Variants in ADK observed in about 807,000 individuals in gnomAD.
ADK encodes N6,N6-dimethyladenosine kinase.
In ADK, 24 loss-of-function variants were observed where a neutral mutation model predicts 44.7. The observed-to-expected ratio is 0.54, with a 90% confidence interval of 0.39 to 0.76. The LOEUF is 0.76. ADK is among the 30% of genes least tolerant of loss of function. ADK has a pLI of 0.00. For missense variants in ADK, 321 were observed against 425.1 expected (o/e 0.76, Z 2.15); for synonymous variants, 128 against 142.6 (o/e 0.90, Z 0.73).
At chr10:74,545,229 A>C (rs1849783400) in intron 7 of ADK, among the ~76,000 whole-genome samples, 1 of 152,230 alleles carries the variant, frequency 6.6e-6, no homozygotes, top group African/African-American at 2.4e-5. Flanking sequence ...TTCTAAAAAG[A>C]ATGTTAACAT....
intron 4 of ADK, among the ~76,000 whole-genome samples, chr10:74,324,107 C>G (rs1484243107): frequency 6.6e-6 from 1 of 152,102 alleles, no homozygotes; most frequent in African/African-American, 2.4e-5. Context: ...ACTGCAGCTT[C>G]CAACTCCTAG....
intron 4 of ADK, among the ~76,000 whole-genome samples, chr10:74,345,869 A>G (rs765796342): frequency 1.3e-5 from 2 of 152,086 alleles, no homozygotes; most frequent in Non-Finnish European, 2.9e-5. Context: ...ATTTTGTTGC[A>G]TTTAAAATTT....
chr10:74,566,905 A>G (rs1402751128), intron 7 of ADK, among the ~76,000 whole-genome samples: 2 of 152,238 alleles, frequency 1.3e-5, no homozygotes, highest in Non-Finnish European at 2.9e-5. Context: ...TAGACCAATT[A>G]TTTCATAATG....
chr10:74,374,805 C>G (rs373464509), intron 4 of ADK, among the ~76,000 whole-genome samples: 1 of 152,040 alleles, frequency 6.6e-6, no homozygotes, highest in African/African-American at 2.4e-5. Context: ...TTCTTCTTTT[C>G]GCCTGGTAAA....
chr10:74,328,583 G>T (rs569438236), intron 4 of ADK, among the ~76,000 whole-genome samples: 134 of 152,196 alleles, frequency 8.8e-4, no homozygotes, highest in African/African-American at 3.1e-3. Flanking sequence ...TTGGATCATG[G>T]GGGTGGTTTC....
chr10:74,468,308 G>A (rs987334123), intron 6 of ADK, among the ~76,000 whole-genome samples: 1 of 152,120 alleles, frequency 6.6e-6, no homozygotes, highest in Non-Finnish European at 1.5e-5. Context: ...GAAGTATTTG[G>A]TGAAGCCAAA....
intron 3 of ADK, among the ~76,000 whole-genome samples, chr10:74,252,858 C>T (rs1443026363): frequency 1.3e-5 from 2 of 152,218 alleles, no homozygotes; most frequent in Admixed American, 6.5e-5. Context: ...TATTCCTTTT[C>T]ACTTAGACTT....
At chr10:74,228,767 C>A (rs890812907) in intron 3 of ADK, among the ~76,000 whole-genome samples, 1 of 152,056 alleles carries the variant, frequency 6.6e-6, no homozygotes, top group African/African-American at 2.4e-5. Flanking sequence ...GAGATCTGAT[C>A]ATATAGATTT....
rs118096011 is a variant in ADK at position 74,577,992 on chromosome 10, C to T, written c.727-11290C>T. Among the ~76,000 whole-genome samples, 1,085 of 151,796 alleles carry T rather than the reference C, an allele frequency of 7.1e-3. 3 individuals are homozygous for T. The highest frequency in any genetic ancestry group is 0.024 in the Middle Eastern group (7 of 294). On this transcript the variant is annotated intron_variant, in intron 7 of 10. Transcript: ENST00000539909. The stretch of plus-strand genomic sequence containing the variant: ...TTCAAGAGTGAATTTTGTAAAACTT[C>T]CAGAGTAGAGTAAGTTACGGCCATT...
intron 3 of ADK, among the ~76,000 whole-genome samples, chr10:74,305,529 T>A (rs1432427525): frequency 6.6e-6 from 1 of 152,116 alleles, no homozygotes; most frequent in Non-Finnish European, 1.5e-5. Context: ...GGTGGCTGTT[T>A]CCATCCCTGT....
At chr10:74,311,822 T>A (rs1840441891) in intron 3 of ADK, among the ~76,000 whole-genome samples, 2 of 152,190 alleles carry the variant, frequency 1.3e-5, no homozygotes, top group Admixed American at 6.5e-5. Context: ...ATTGGAAATA[T>A]ATCACTTTTC....
chr10:74,311,743 T>C (rs148234466), intron 3 of ADK, among the ~76,000 whole-genome samples: 97 of 152,272 alleles, frequency 6.4e-4, no homozygotes, highest in African/African-American at 2.1e-3. Context: ...GAATAAAAGA[T>C]GTGGAGGCTT....
intron 3 of ADK, among the ~76,000 whole-genome samples, chr10:74,236,477 C>T (rs1253217807): frequency 6.6e-6 from 1 of 152,138 alleles, no homozygotes; most frequent in East Asian, 1.9e-4. Flanking sequence ...TTCAAACAGA[C>T]GTACAGTGTG....
Position 74,595,461 on chromosome 10 carries a change from C to T in ADK, c.763-4918C>T, listed in dbSNP as rs559497483. Among the ~76,000 whole-genome samples, 428 of 144,930 alleles carry T rather than the reference C, an allele frequency of 3.0e-3. 3 individuals are homozygous for T. The highest frequency in any genetic ancestry group is 0.011 in the African/African-American group (413 of 39,002). On this transcript the variant is annotated intron_variant, in intron 8 of 10. Coordinates refer to ENST00000539909, the MANE Select transcript of ADK (RefSeq NM_006721.4). ...GCGTGATCTTTGCTCACTGCAAGCT[C>T]CGCCTCCCGGGTTCACTCCATTCTC... is the stretch of plus-strand genomic sequence containing the variant.
intron 9 of ADK, chr10:74,655,450 T>C (rs1854445381): frequency 2.2e-6 from 1 of 451,874 alleles, no homozygotes; most frequent in Non-Finnish European, 4.4e-6. Context: ...TTGATGACCC[T>C]GGGCTGAGGA....
intron 6 of ADK, among the ~76,000 whole-genome samples, chr10:74,453,467 C>G (rs1327149392): frequency 6.6e-6 from 1 of 152,082 alleles, no homozygotes; most frequent in Non-Finnish European, 1.5e-5. Flanking sequence ...CCAGGGGTCT[C>G]TTATTAGTAT....
intron 7 of ADK, among the ~76,000 whole-genome samples, chr10:74,587,737 G>GTT (rs201515084): frequency 1.0e-4 from 14 of 138,700 alleles, no homozygotes; most frequent in Admixed American, 1.5e-4. Context: ...GTTGTCTGCA[G>GTT]TTTTTTTTTT....
intron 4 of ADK, among the ~76,000 whole-genome samples, chr10:74,355,632 A>G (rs1380552821): frequency 6.6e-6 from 1 of 152,176 alleles, no homozygotes; most frequent in African/African-American, 2.4e-5. Flanking sequence ...GCATATTGTC[A>G]TTTGGAAAAA....
At chr10:74,359,507 AGACCAGCC>A (rs1442402133) in intron 4 of ADK, among the ~76,000 whole-genome samples, 4 of 152,170 alleles carry the variant, frequency 2.6e-5, no homozygotes, top group Non-Finnish European at 5.9e-5. Flanking sequence ...CAGGGATTCA[AGACCAGCC>A]TAGGCAACAT....
Sources: allele counts gnomAD v4.1 joint callset (sites outside exome capture counted in the v4.1 genomes callset), GRCh38; gene constraint gnomAD v4.1.1; transcripts MANE v1.5; gene names NCBI Gene and HGNC (gene_info 2026-07-23, HGNC 2026-07-21).